GREB1L: variants seen among roughly 807,000 people sequenced by gnomAD.
GREB1L encodes GREB1-like protein.
In GREB1L, 17 loss-of-function variants were observed where a neutral mutation model predicts 200.8. The observed-to-expected ratio is 0.08, with a 90% CI of 0.06 to 0.13. The LOEUF is 0.13. Among genes scored for constraint, GREB1L ranks in the 10% least tolerant of loss-of-function variants. The pLI is 1.00. For missense variants in GREB1L, 1,657 were observed against 2,367.7 expected, an observed-to-expected ratio of 0.70 and a Z score of 6.23; for synonymous variants, 789 against 893.0, an observed-to-expected ratio of 0.88 and a Z score of 2.08.
intron 2 of GREB1L, among the ~76,000 whole-genome samples, chr18:21,372,960 T>C (rs1201920005): frequency 1.3e-5 from 2 of 152,194 alleles, no homozygotes; most frequent in East Asian, 3.9e-4. Flanking sequence ...GCTCATCAGC[T>C]ATTGTTAGTG....
chr18:21,311,253 A>G (rs2038785830), intron 1 of GREB1L, among the ~76,000 whole-genome samples: 1 of 152,242 alleles, frequency 6.6e-6, no homozygotes, highest in African/African-American at 2.4e-5. Flanking sequence ...CAAAACTGTA[A>G]TGTCTTTGAC....
chr18:21,358,558 G>A (rs551300836), intron 1 of GREB1L, among the ~76,000 whole-genome samples: 1 of 152,108 alleles, frequency 6.6e-6, no homozygotes, highest in Non-Finnish European at 1.5e-5. Context: ...CTCGTGATCC[G>A]CCCACCTCGG....
In GREB1L at chr18:21,441,480, G is replaced by C; in HGVS notation, c.1150G>C (p.Val384Leu). 2.6e-6 allele frequency: 4 copies of C among 1,551,510 alleles called. No homozygotes were observed. The highest frequency in any genetic ancestry group is 1.7e-6 in the Non-Finnish European group (2 of 1,146,800). ...CAGGCCCATTCCTGCAGGGGAAACT[G>C]TAATTGTTCCTGAAAACCTGCTGAG... ...QPRPIPAGET[V>L]IVPENLLSNS... The change falls in exon 10 of 33, where the codon GTA becomes CTA. Residue 384 changes from valine to leucine, a missense_variant. Val to Leu is a conservative substitution (Grantham distance 32). Around this residue, in one of 9 missense-constraint regions of GREB1L, gnomAD observed 289 missense variants for 345.1 expected, o/e 0.84. Transcript: ENST00000424526.
chr18:21,309,089 G>A (rs1449574539), intron 1 of GREB1L, among the ~76,000 whole-genome samples: 1 of 152,212 alleles, frequency 6.6e-6, no homozygotes, highest in Non-Finnish European at 1.5e-5. Context: ...TTGGCATTGG[G>A]TAAAACATAC....
chr18:21,387,798 T>C (rs879434979), intron 4 of GREB1L, among the ~76,000 whole-genome samples: 1 of 152,246 alleles, frequency 6.6e-6, no homozygotes, highest in Non-Finnish European at 1.5e-5. Flanking sequence ...TGGGATCCTA[T>C]GTCTTGAGAT....
chr18:21,444,090 G>A (rs188417655), intron 10 of GREB1L, 134 bp from the exon 11 acceptor site: 67 of 587,756 alleles, frequency 1.1e-4, no homozygotes, highest in African/African-American at 1.1e-3. Context: ...TGATATGTTT[G>A]AGTGATTTGT....
intron 1 of GREB1L, among the ~76,000 whole-genome samples, chr18:21,304,724 AT>A (rs1297747443): frequency 6.6e-6 from 1 of 152,134 alleles, no homozygotes; most frequent in Admixed American, 6.5e-5. Context: ...AAAATAAAAA[AT>A]AACCCCTAGG....
At chr18:21,400,400 T>C (rs932194217) in intron 5 of GREB1L, among the ~76,000 whole-genome samples, 4 of 152,094 alleles carry the variant, frequency 2.6e-5, no homozygotes, top group Non-Finnish European at 4.4e-5. Context: ...AAAGGGGAAA[T>C]AGGAATCTCA....
chr18:21,344,144 G>A (rs2039309091), intron 1 of GREB1L, among the ~76,000 whole-genome samples: 2 of 152,188 alleles, frequency 1.3e-5, no homozygotes, highest in Non-Finnish European at 2.9e-5. Flanking sequence ...GCTCACGCCT[G>A]TAATGCCAGA....
At chr18:21,363,036 T>C in intron 1 of GREB1L, among the ~76,000 whole-genome samples, 1 of 152,222 alleles carries the variant, frequency 6.6e-6, no homozygotes, top group South Asian at 2.1e-4. Context: ...GCTGCACATA[T>C]TGTTGACATT....
intron 1 of GREB1L, among the ~76,000 whole-genome samples, chr18:21,358,672 T>C (rs1428431156): frequency 1.3e-5 from 2 of 152,138 alleles, no homozygotes; most frequent in East Asian, 3.9e-4. Context: ...AAGAATAATA[T>C]AATGGACTTT....
At chr18:21,489,930 A>C (rs1156700028) in intron 18 of GREB1L, 82 bp from the exon 19 acceptor site, 1 of 986,192 alleles carries the variant, frequency 1.0e-6, no homozygotes, top group Non-Finnish European at 1.5e-6. Context: ...CACCATGCTT[A>C]ATCTGCATTC....
chr18:21,522,638 TTC>T lies in GREB1L; in HGVS notation c.5609-18_5609-17del. ...TTCAATCCCTGAGCCTAGGACATAT[TTC>T]TGTCTTTTTTCCTGAAGGTGCTACA... On this transcript the variant is annotated intron_variant, in intron 32 of 32. Transcript: ENST00000424526. 1.3e-6 allele frequency: 2 copies of T among 1,537,540 alleles called. No homozygotes were observed. Among genetic ancestry groups the T allele is most frequent in the Non-Finnish European group, 1.8e-6 (2 of 1,138,566 alleles).
Position 21,500,142 on chromosome 18 carries a change from C to G in GREB1L, c.3805C>G (p.Arg1269Gly). 1 of 1,551,486 alleles carries G rather than the reference C, an allele frequency of 6.4e-7. No individual in the cohort carries two copies. The highest frequency in any genetic ancestry group is 8.7e-7 in the Non-Finnish European group (1 of 1,147,002). Residue 1269 changes from arginine to glycine, a missense_variant, in exon 22 of 33, where the codon CGG (arginine) becomes GGG (glycine). Coordinates refer to ENST00000424526, the MANE Select transcript of GREB1L (RefSeq NM_001142966.3). ...HADVAWVSSLRPLLNKDMSSE... is the reference protein window; with the variant it reads ...HADVAWVSSLGPLLNKDMSSE... ...CGACGTGGCCTGGGTGAGCTCCCTG[C>G]GGCCACTCCTGAACAAGGACATGAG... is the stretch of plus-strand genomic sequence containing the variant.
At chr18:21,519,977 A>G (rs533673285) in intron 31 of GREB1L, among the ~76,000 whole-genome samples, 15 of 151,338 alleles carry the variant, frequency 9.9e-5, no homozygotes, top group Non-Finnish European at 1.9e-4. Context: ...CTGGAGTGCA[A>G]TGGTGCAATC....
intron 16 of GREB1L, among the ~76,000 whole-genome samples, chr18:21,475,962 C>A (rs1360208657): frequency 9.8e-6 from 1 of 101,940 alleles, no homozygotes; most frequent in African/African-American, 4.3e-5. Flanking sequence ...CAGAGAGAGA[C>A]TCCGTCTCAA....
Position 21,477,143 on chromosome 18 carries a change from TGACTTTCAA to T in GREB1L, c.2364-20_2364-12del. 1 of 1,525,654 alleles carries T rather than the reference TGACTTTCAA, an allele frequency of 6.6e-7. No homozygotes were observed. The highest frequency in any genetic ancestry group is 1.2e-5 in the South Asian group (1 of 81,874). The allele number at this position is 1,525,654 out of a possible 1,614,324, so 94.5% of individuals were successfully genotyped here. On this transcript the variant is annotated splice_polypyrimidine_tract_variant and intron_variant, in intron 16 of 32. Transcript: ENST00000424526. ...TACTTGGTTAAATGAGGTATTAATA[TGACTTTCAA>T]TTTTTCTACAGTGTCATTTCAGGCT...
intron 1 of GREB1L, among the ~76,000 whole-genome samples, chr18:21,320,087 A>G (rs2038928835): frequency 6.6e-6 from 1 of 152,240 alleles, no homozygotes; most frequent in African/African-American, 2.4e-5. Flanking sequence ...AATTCCTGCT[A>G]GCTCAAAATA....
chr18:21,480,994 T>C (rs1231000856), intron 17 of GREB1L, among the ~76,000 whole-genome samples: 2 of 151,886 alleles, frequency 1.3e-5, no homozygotes, highest in Non-Finnish European at 2.9e-5. Context: ...TACTCCAGCA[T>C]GGGTGACAGA....
Sources: allele counts gnomAD v4.1 joint callset (sites outside exome capture counted in the v4.1 genomes callset), GRCh38; gene constraint gnomAD v4.1.1; regional missense constraint gnomAD v4.1.1; transcripts MANE v1.5; gene names NCBI Gene and HGNC (gene_info 2026-07-23, HGNC 2026-07-21).